Variants in USP8 observed in about 807,000 individuals in gnomAD.
USP8 encodes ubiquitin specific peptidase 8, also known as ubiquitin carboxyl-terminal hydrolase 8.
A neutral mutation model predicts 130.0 loss-of-function variants in USP8; 27 were observed. The observed-to-expected ratio is 0.21, with a 90% CI of 0.15 to 0.29. The LOEUF (loss-of-function observed/expected upper bound fraction) is 0.29. Among genes scored for constraint, USP8 ranks in the 10% least tolerant of loss-of-function variants. USP8 has a pLI of 1.00. For synonymous variants in USP8, 392 were observed against 444.1 expected, an observed-to-expected ratio of 0.88 and a Z score of 1.48; for missense variants, 1,029 against 1,312.2, an observed-to-expected ratio of 0.78 and a Z score of 3.33.
chr15:50,494,323 T>C lies in USP8; in HGVS notation c.2658+43T>C, dbSNP rs781110526. On this transcript the variant is annotated intron_variant, in intron 16 of 19. Coordinates refer to ENST00000307179, the MANE Select transcript of USP8 (RefSeq NM_005154.5). ...TCTAAGTTGCAGAGACTCTTTAGGG[T>C]TGCTCAGTAGCACTGTATTTTTATA... The C allele has an allele frequency of 4.6e-6, 7 of 1,533,754 alleles. No individual in the cohort carries two copies. The Admixed American group carries it at 1.0e-4, about 22-fold the overall frequency.
intron 4 of USP8, among the ~76,000 whole-genome samples, chr15:50,453,050 T>G (rs989718467): frequency 6.6e-6 from 1 of 152,206 alleles, no homozygotes; most frequent in Non-Finnish European, 1.5e-5. Context: ...TCCATAGAGA[T>G]AATAGGAATA....
chr15:50,462,455 C>T (rs75098660), intron 6 of USP8, 133 bp downstream of exon 6: 1 of 710,508 alleles, frequency 1.4e-6, no homozygotes, highest in African/African-American at 1.9e-5. Flanking sequence ...ATCATTTTTC[C>T]TAGTCTGTAC....
At chr15:50,496,580 T>TTTAAAGATACCTTTA (rs2052420722) in intron 17 of USP8, among the ~76,000 whole-genome samples, 1 of 152,182 alleles carries the variant, frequency 6.6e-6, no homozygotes, top group Admixed American at 6.5e-5. Context: ...AAATTTCTTT[T>TTTAAAGATACCTTTA]TTAAAGATAC....
At chr15:50,463,626 T>A (rs1404451897) in intron 6 of USP8, 4 of 152,240 alleles carry the variant, frequency 2.6e-5, no homozygotes, top group Non-Finnish European at 5.9e-5. Context: ...TTCCTTTGTA[T>A]GTCATCCTGC....
At chr15:50,497,932 A>G (rs2052479877) in intron 18 of USP8, among the ~76,000 whole-genome samples, 1 of 152,186 alleles carries the variant, frequency 6.6e-6, no homozygotes, top group Non-Finnish European at 1.5e-5. Flanking sequence ...TCCATATATT[A>G]ATTTCCAAAT....
Position 50,481,660 on chromosome 15 carries a change from T to C in USP8, c.1398T>C (p.His466=). 1.2e-6 allele frequency: 2 copies of C among 1,613,064 alleles called. No individual in the cohort carries two copies. Among genetic ancestry groups the C allele is most frequent in the Non-Finnish European group, 1.7e-6 (2 of 1,179,818 alleles). Residue 466 remains histidine, a synonymous_variant, in exon 11 of 20, where the codon CAT becomes CAC. Transcript: ENST00000307179. ...MLTDEEKARI[H]AETALLMEKN... is the part of the protein sequence containing the mutation. ...CAGATGAAGAAAAGGCTCGTATTCATGCAGAAACTGCTCTTCTAATGGAAA... is the reference window on the plus strand; with the variant it reads ...CAGATGAAGAAAAGGCTCGTATTCACGCAGAAACTGCTCTTCTAATGGAAA...
intron 3 of USP8, among the ~76,000 whole-genome samples, chr15:50,445,478 G>A (rs1322840227): frequency 4.9e-5 from 7 of 141,528 alleles, no homozygotes; most frequent in African/African-American, 1.9e-4. Flanking sequence ...CCTGGGAGGC[G>A]GAGGTTGCAG....
At chr15:50,446,880 T>C (rs1260170081) in intron 3 of USP8, among the ~76,000 whole-genome samples, 1 of 152,136 alleles carries the variant, frequency 6.6e-6, no homozygotes, top group African/African-American at 2.4e-5. Flanking sequence ...ATCCACCTGC[T>C]TTGGCCTCCC....
intron 1 of USP8, among the ~76,000 whole-genome samples, chr15:50,434,110 T>TTTTGTTTTGC (rs1460970371): frequency 6.6e-6 from 1 of 151,276 alleles, no homozygotes; most frequent in Non-Finnish European, 1.5e-5. Flanking sequence ...AGGTTTTTTG[T>TTTTGTTTTGC]TTTGTTTTGT....
chr15:50,509,894 T>G lies in USP8; in HGVS notation c.*10806T>G, dbSNP rs2052715588. 6.6e-6 allele frequency: 1 copy of G among 152,110 alleles called. No individual in the cohort carries two copies. Among genetic ancestry groups the G allele is most frequent in the South Asian group, 2.1e-4 (1 of 4,832 alleles). 9.4% of individuals were successfully genotyped at this position (152,110 alleles called of 1,614,324 possible). A position where few individuals can be genotyped will look rare whatever the true frequency, so the allele number is the denominator to read the frequency against. On this transcript the variant is annotated 3_prime_UTR_variant, in exon 20 of 20. Coordinates refer to ENST00000307179, the MANE Select transcript of USP8 (RefSeq NM_005154.5). ...TACAGAAATTGACAAGGGCCAGGAA[T>G]AATCGAAATACTACTGAAAAATAAG...
At chr15:50,424,655 G>C (rs1290502105) in intron 1 of USP8, 141 bp downstream of exon 1, 8 of 395,858 alleles carry the variant, frequency 2.0e-5, no homozygotes, top group Non-Finnish European at 3.6e-5. Context: ...ACTCCTAAAG[G>C]TAGAATCAGC....
In USP8 at chr15:50,505,515, A is replaced by T. The variant is rs556065040; in HGVS notation, c.*6427A>T. The T allele has an allele frequency of 1.3e-5, 2 of 152,254 alleles. No homozygotes were observed. Among genetic ancestry groups the T allele is most frequent in the Non-Finnish European group, 2.9e-5 (2 of 68,060 alleles). The allele number at this position is 152,254 out of a possible 1,614,324, so 9.4% of individuals were successfully genotyped here. A position where few individuals can be genotyped will look rare whatever the true frequency, so the allele number is the denominator to read the frequency against. On this transcript the variant is annotated 3_prime_UTR_variant, in exon 20 of 20. Transcript: ENST00000307179. ...CTCACTGAAAAGCCTACTGAAATAT[A>T]TGCCACATGAATTTTAAAAACTCAA...
intron 9 of USP8, 50 bp from the exon 10 acceptor site, chr15:50,477,226 G>A: frequency 4.6e-6 from 7 of 1,511,732 alleles, no homozygotes; most frequent in Non-Finnish European, 6.3e-6. Context: ...TGTAAGTACT[G>A]TGTATGGGGT....
Position 50,485,550 on chromosome 15 carries a change from ATTTTTTT to A in USP8, c.1890+1216_1890+1222del, listed in dbSNP as rs71424071. Among the ~76,000 whole-genome samples the A allele has an allele frequency of 7.3e-3, 205 of 27,930 alleles. 1 individual carries two copies. The highest frequency in any genetic ancestry group is 0.016 in the African/African-American group (139 of 8,516). 18.3% of individuals were successfully genotyped at this position (27,930 alleles called of 152,430 possible). A position where few individuals can be genotyped will look rare whatever the true frequency, so the allele number is the denominator to read the frequency against. On this transcript the variant is annotated intron_variant, in intron 12 of 19. Coordinates refer to ENST00000307179, the MANE Select transcript of USP8 (RefSeq NM_005154.5). ...CCCATTTTTAGCATGCAGTTTAGTG[ATTTTTTT>A]TTTTTTTTTTTTTTTTTTTTTTTTT...
At chr15:50,424,687 C>T (rs2049643443) in intron 1 of USP8, 173 bp downstream of exon 1, 2 of 394,498 alleles carry the variant, frequency 5.1e-6, no homozygotes, top group Non-Finnish European at 4.5e-6. Flanking sequence ...AAAGGCCCAA[C>T]CTTGAGTCTT....
intron 6 of USP8, among the ~76,000 whole-genome samples, chr15:50,463,161 A>G (rs527816330): frequency 5.3e-5 from 8 of 152,260 alleles, no homozygotes; most frequent in African/African-American, 1.9e-4. Flanking sequence ...AGGTGGGAGA[A>G]TTGTTCGAGC....
chr15:50,477,739 G>A (rs2051615248), intron 10 of USP8, among the ~76,000 whole-genome samples: 1 of 151,774 alleles, frequency 6.6e-6, no homozygotes, highest in South Asian at 2.1e-4. Flanking sequence ...TGTTTGGGAG[G>A]CTGAGGCATG....
intron 5 of USP8, among the ~76,000 whole-genome samples, chr15:50,461,514 G>A (rs1056720217): frequency 6.8e-6 from 1 of 147,168 alleles, no homozygotes; most frequent in Non-Finnish European, 1.5e-5. Context: ...TGGATAAAAT[G>A]AGTTAGTACC....
chr15:50,471,673 T>TC lies in USP8; in HGVS notation c.728dup (p.Lys244Ter). On this transcript the variant is annotated frameshift_variant, in exon 8 of 20. Transcript: ENST00000307179. LOFTEE classifies it high-confidence loss of function. ...GATTGAAGCACACCTGCCAGATGAT[T>TC]CTAAAGACACATGGAAGAAGAGGGG... The TC allele has an allele frequency of 6.2e-7, 1 of 1,614,000 alleles. No individual in the cohort carries two copies. The highest frequency in any genetic ancestry group is 8.5e-7 in the Non-Finnish European group (1 of 1,180,004).
Sources: gnomAD v4.1 joint callset for allele counts (sites outside exome capture counted in the v4.1 genomes callset) on GRCh38, gnomAD v4.1.1 for gene constraint, MANE v1.5 for transcripts, NCBI Gene and HGNC (gene_info 2026-07-23, HGNC 2026-07-21) for gene names.